The following PRKACB variants were observed in gnomAD, a reference collection of about 807,000 sequenced individuals.
The protein encoded by PRKACB is protein kinase cAMP-activated catalytic subunit beta.
A neutral mutation model predicts 51.4 loss-of-function variants in PRKACB; 16 were observed. That is an observed-to-expected ratio of 0.31 (90% CI 0.21 to 0.47). The LOEUF (loss-of-function observed/expected upper bound fraction) is 0.47, where lower values mean the gene tolerates loss of function less well. Ranked by LOEUF, PRKACB falls within the 20% of genes least tolerant of loss-of-function variation. The pLI is 1.00. For missense variants in PRKACB, 309 were observed against 464.5 expected (o/e 0.67, Z 3.08); for synonymous variants, 147 against 154.4 (o/e 0.95, Z 0.35).
chr1:84,142,417 C>T (rs1653503714), upstream of PRKACB, among the ~76,000 whole-genome samples: 1 of 151,958 alleles, frequency 6.6e-6, no homozygotes, highest in Admixed American at 6.5e-5. Context: ...AGAATCAGTC[C>T]ATGCTCTGTA....
intron 1 of PRKACB, among the ~76,000 whole-genome samples, chr1:84,146,091 G>A (rs774798229): frequency 6.6e-6 from 1 of 151,316 alleles, no homozygotes; most frequent in Non-Finnish European, 1.5e-5. Flanking sequence ...TTAAAATCTA[G>A]TAATGGAAAA....
rs1009938581 is a variant in PRKACB at position 84,214,358 on chromosome 1, G to A, written c.1071+41G>A. ...TTAATTTAAAAGCTTTTTTAAAGTT[G>A]GTGTTTAAATTATATGTGGTGGAGA... On this transcript the variant is annotated intron_variant, in intron 9 of 9. Coordinates refer to ENST00000370685, the MANE Select transcript of PRKACB (RefSeq NM_182948.4). 13 of 1,489,200 alleles carry A rather than the reference G, an allele frequency of 8.7e-6. 1 individual carries two copies. The highest frequency in any genetic ancestry group is 1.4e-5 in the South Asian group (1 of 72,804). The allele number at this position is 1,489,200 out of a possible 1,614,324, so 92.2% of individuals were successfully genotyped here.
intron 9 of PRKACB, 91 bp from the exon 10 acceptor site, chr1:84,235,089 A>G (rs950647601): frequency 1.5e-6 from 2 of 1,373,442 alleles, no homozygotes; most frequent in East Asian, 2.3e-5. Flanking sequence ...TCACCGTGTA[A>G]TAACAGTGGG....
chr1:84,222,177 T>A (rs111411971), intron 9 of PRKACB, among the ~76,000 whole-genome samples: 101 of 152,300 alleles, frequency 6.6e-4, no homozygotes, highest in African/African-American at 2.3e-3. Context: ...TATTATGACC[T>A]TCTTTGTCTC....
Position 84,144,295 on chromosome 1 carries a change from G to T in PRKACB, c.-67G>T. The T allele has an allele frequency of 6.3e-7, 1 of 1,578,592 alleles. No individual in the cohort carries two copies. Among genetic ancestry groups the T allele is most frequent in the East Asian group, 2.3e-5 (1 of 43,708 alleles). On this transcript the variant is annotated 5_prime_UTR_variant, in exon 1 of 10. Transcript: ENST00000370685. ...CACATGCATAGCTCTTAGCTTCTGT[G>T]TAAGAAGTTGTGAGCTCCTTCTGGA...
intron 1 of PRKACB, chr1:84,085,924 A>G: frequency 5.9e-6 from 4 of 672,868 alleles, no homozygotes; most frequent in Non-Finnish European, 8.2e-6. Flanking sequence ...CTCAATGACC[A>G]TTAATATCCA....
In PRKACB at chr1:84,098,402, C is replaced by T. The variant is rs573556217; in HGVS notation, c.46+20031C>T. Among the ~76,000 whole-genome samples, 246 of 152,126 alleles carry T rather than the reference C, an allele frequency of 1.6e-3. 1 individual carries two copies. The highest frequency in any genetic ancestry group is 5.5e-3 in the African/African-American group (230 of 41,538). ...TGTTTCCCTTTTAACAAATCTTTGC[C>T]TACTCCAAGTTCATGAAGATAGTTT... On this transcript the variant is annotated intron_variant, in intron 1 of 8. Coordinates refer to the PRKACB transcript ENST00000370688.
At chr1:84,224,125 AG>A (rs1414237730) in intron 9 of PRKACB, among the ~76,000 whole-genome samples, 4 of 152,216 alleles carry the variant, frequency 2.6e-5, no homozygotes, top group Admixed American at 6.5e-5. Context: ...TCAGTGGCTT[AG>A]GCCGCATTAT....
upstream of PRKACB, chr1:84,144,207 T>A: frequency 7.2e-7 from 1 of 1,379,832 alleles, no homozygotes; most frequent in Non-Finnish European, 9.4e-7. Flanking sequence ...AATGTGCTGT[T>A]TTATATTAAC....
chr1:84,234,479 A>G (rs1016003330), intron 9 of PRKACB, among the ~76,000 whole-genome samples: 2 of 152,248 alleles, frequency 1.3e-5, no homozygotes, highest in African/African-American at 4.8e-5. Flanking sequence ...TTACCTAAGC[A>G]AGCCTGGGCA....
intron 5 of PRKACB, among the ~76,000 whole-genome samples, chr1:84,192,884 G>C (rs1025881712): frequency 6.6e-6 from 1 of 152,096 alleles, no homozygotes; most frequent in Non-Finnish European, 1.5e-5. Flanking sequence ...ATGTATTTAG[G>C]TGATTCGGTT....
intron 1 of PRKACB, among the ~76,000 whole-genome samples, chr1:84,080,815 A>C (rs1647475358): frequency 6.6e-6 from 1 of 152,240 alleles, no homozygotes; most frequent in South Asian, 2.1e-4. Context: ...TTGAGATCAT[A>C]CTGTTAGTAA....
At chr1:84,216,391 T>C (rs1255959738) in intron 9 of PRKACB, among the ~76,000 whole-genome samples, 1 of 151,858 alleles carries the variant, frequency 6.6e-6, no homozygotes, top group Non-Finnish European at 1.5e-5. Context: ...TTAAAGAATT[T>C]TAAAATGCAG....
At chr1:84,164,825 G>T in intron 1 of PRKACB, 1 of 1,381,316 alleles carries the variant, frequency 7.2e-7, no homozygotes, top group African/African-American at 1.5e-5. Context: ...AGGCAGTTAT[G>T]CTTTGCTTCT....
At chr1:84,118,442 G>A (rs141750837) in intron 1 of PRKACB, among the ~76,000 whole-genome samples, 7 of 152,172 alleles carry the variant, frequency 4.6e-5, no homozygotes, top group African/African-American at 1.7e-4. Context: ...TATTCAAAAT[G>A]TATACATTTT....
At position 84,237,980 on chromosome 1, in the gene PRKACB, A is replaced by G. The variant is rs2101745704; in HGVS notation, c.*2675A>G. 6.6e-6 allele frequency: 1 copy of G among 152,266 alleles called. No homozygotes were observed. The highest frequency in any genetic ancestry group is 2.4e-5 in the African/African-American group (1 of 41,576). The allele number at this position is 152,266 out of a possible 1,614,324, so 9.4% of individuals were successfully genotyped here. A position where few individuals can be genotyped will look rare whatever the true frequency, so the allele number is the denominator to read the frequency against. On this transcript the variant is annotated 3_prime_UTR_variant, in exon 10 of 10. Transcript: ENST00000370685. Reference sequence around the variant, plus strand: ...CTTTTTATCTGATATTTTGAAGGGTATATTGCTTTGAAGTAAGTCTCAATA... The same window carrying G: ...CTTTTTATCTGATATTTTGAAGGGTGTATTGCTTTGAAGTAAGTCTCAATA...
intron 1 of PRKACB, among the ~76,000 whole-genome samples, chr1:84,151,813 A>G (rs953574265): frequency 2.6e-5 from 4 of 152,322 alleles, no homozygotes; most frequent in African/African-American, 9.6e-5. Flanking sequence ...CCACATCTGC[A>G]GTGACTTTCT....
At chr1:84,086,667 T>C (rs1269920266) in intron 1 of PRKACB, among the ~76,000 whole-genome samples, 1 of 152,222 alleles carries the variant, frequency 6.6e-6, no homozygotes, top group Non-Finnish European at 1.5e-5. Context: ...TTTATAACTC[T>C]CTCGGTTTTT....
chr1:84,154,829 C>CT (rs1384792543), intron 1 of PRKACB, among the ~76,000 whole-genome samples: 1 of 152,050 alleles, frequency 6.6e-6, no homozygotes, highest in African/African-American at 2.4e-5. Context: ...ATTTGAGAAA[C>CT]TTTAACATTC....
Sources: allele counts gnomAD v4.1 joint callset (sites outside exome capture counted in the v4.1 genomes callset), GRCh38; gene constraint gnomAD v4.1.1; transcripts MANE v1.5; gene names NCBI Gene and HGNC (gene_info 2026-07-23, HGNC 2026-07-21).